Variants in RNF180 observed in about 807,000 individuals in gnomAD.
RNF180 encodes E3 ubiquitin-protein ligase RNF180.
In RNF180, 38 loss-of-function variants were observed where a neutral mutation model predicts 59.2. The ratio of observed to expected loss-of-function variants is 0.64; its 90% confidence interval spans 0.50 to 0.84. The LOEUF is 0.84. RNF180 is among the 40% of genes least tolerant of loss of function. The pLI is 0.00. For missense variants in RNF180, 705 were observed against 700.9 expected, an observed-to-expected ratio of 1.01 and a Z score of -0.07; for synonymous variants, 262 against 240.3, an observed-to-expected ratio of 1.09 and a Z score of -0.84.
At chr5:64,246,180 C>T (rs183111163) in intron 5 of RNF180, among the ~76,000 whole-genome samples, 223 of 152,044 alleles carry the variant, frequency 1.5e-3, no homozygotes, top group Non-Finnish European at 2.8e-3. Flanking sequence ...GATCTAAAAT[C>T]GACACCCTAA....
At chr5:64,232,528 C>G (rs1742157294) in intron 5 of RNF180, among the ~76,000 whole-genome samples, 1 of 152,148 alleles carries the variant, frequency 6.6e-6, no homozygotes, top group Non-Finnish European at 1.5e-5. Context: ...GGCTTGGTAA[C>G]TCTTACATGT....
At chr5:64,177,777 T>C (rs576203704) in intron 1 of RNF180, among the ~76,000 whole-genome samples, 7 of 151,948 alleles carry the variant, frequency 4.6e-5, no homozygotes, top group Non-Finnish European at 7.4e-5. Flanking sequence ...TAAATAGGTG[T>C]CTCTAGGTTA....
chr5:64,358,782 C>A (rs1746126830), intron 7 of RNF180, among the ~76,000 whole-genome samples: 1 of 102,580 alleles, frequency 9.7e-6, no homozygotes, highest in African/African-American at 3.8e-5. Context: ...CCAATGCTAT[C>A]CCTCCCCCCA....
At chr5:64,196,501 A>T (rs1249548291) in intron 1 of RNF180, among the ~76,000 whole-genome samples, 2 of 152,024 alleles carry the variant, frequency 1.3e-5, no homozygotes, top group African/African-American at 4.8e-5. Context: ...AGCTTTTAAG[A>T]TGAGCATGTT....
intron 5 of RNF180, among the ~76,000 whole-genome samples, chr5:64,257,734 A>C (rs1744067665): frequency 6.6e-6 from 1 of 152,136 alleles, no homozygotes; most frequent in Admixed American, 6.6e-5. Flanking sequence ...TGAGTTAGGG[A>C]GGATTCCCTC....
At chr5:64,281,495 T>G (rs530298670) in intron 5 of RNF180, among the ~76,000 whole-genome samples, 1 of 152,204 alleles carries the variant, frequency 6.6e-6, no homozygotes, top group African/African-American at 2.4e-5. Flanking sequence ...AGTTGCCTAG[T>G]TTGTTGAGGA....
chr5:64,364,948 A>G (rs777426775), intron 7 of RNF180, among the ~76,000 whole-genome samples: 8 of 144,806 alleles, frequency 5.5e-5, no homozygotes, highest in Non-Finnish European at 9.1e-5. Context: ...GTTTACTTGG[A>G]TCTTCTCTTT....
intron 5 of RNF180, among the ~76,000 whole-genome samples, chr5:64,266,176 T>C (rs1044450087): frequency 1.3e-5 from 2 of 152,178 alleles, no homozygotes; most frequent in Non-Finnish European, 2.9e-5. Context: ...ACAGAGACAA[T>C]TTGACTTCCT....
chr5:64,200,468 CAAAA>C (rs1216513071), intron 1 of RNF180, among the ~76,000 whole-genome samples: 2 of 151,452 alleles, frequency 1.3e-5, no homozygotes, highest in African/African-American at 4.8e-5. Flanking sequence ...AACAAACAAA[CAAAA>C]AAACTACTGC....
At chr5:64,294,465 A>G (rs994054878) in intron 5 of RNF180, among the ~76,000 whole-genome samples, 5 of 152,222 alleles carry the variant, frequency 3.3e-5, no homozygotes, top group Non-Finnish European at 7.3e-5. Flanking sequence ...ATTTTAATCT[A>G]TTTAAACTTT....
At position 64,372,432 on chromosome 5, in the gene RNF180, A is replaced by C. The variant is rs1360765453; in HGVS notation, c.*2618A>C. On this transcript the variant is annotated 3_prime_UTR_variant, in exon 8 of 8. Coordinates refer to ENST00000389100, the MANE Select transcript of RNF180 (RefSeq NM_001113561.2). ...CTGTATCTGCTGAATTATTAATGCC[A>C]CTATAGTATTATATGCTAAATATGA... is the stretch of plus-strand genomic sequence containing the variant. The C allele has an allele frequency of 6.6e-6, 1 of 151,912 alleles. No individual in the cohort carries two copies. Among genetic ancestry groups the C allele is most frequent in the East Asian group, 1.9e-4 (1 of 5,172 alleles). 9.4% of individuals were successfully genotyped at this position (151,912 alleles called of 1,614,324 possible). A position where few individuals can be genotyped will look rare whatever the true frequency, so the allele number is the denominator to read the frequency against.
chr5:64,354,638 A>C (rs926372060), intron 7 of RNF180, among the ~76,000 whole-genome samples: 2 of 151,924 alleles, frequency 1.3e-5, no homozygotes, highest in Non-Finnish European at 2.9e-5. Context: ...AAGTTATCAC[A>C]AGAAAAGAAT....
intron 5 of RNF180, among the ~76,000 whole-genome samples, chr5:64,311,595 T>C (rs1434459610): frequency 1.3e-5 from 2 of 152,028 alleles, no homozygotes; most frequent in Non-Finnish European, 2.9e-5. Context: ...GTCCTTACTG[T>C]TTTTGAAGAT....
At chr5:64,297,916 A>G (rs1386123852) in intron 5 of RNF180, among the ~76,000 whole-genome samples, 1 of 152,020 alleles carries the variant, frequency 6.6e-6, no homozygotes, top group African/African-American at 2.4e-5. Flanking sequence ...TTAACTTTTA[A>G]GTTCGGGGGT....
chr5:64,324,023 A>C (rs1309169765), intron 5 of RNF180, among the ~76,000 whole-genome samples: 1 of 152,204 alleles, frequency 6.6e-6, no homozygotes, highest in African/African-American at 2.4e-5. Context: ...CCAATCTACT[A>C]TCAGTGACTT....
At chr5:64,283,668 C>G (rs190357522) in intron 5 of RNF180, among the ~76,000 whole-genome samples, 1 of 152,282 alleles carries the variant, frequency 6.6e-6, no homozygotes, top group Admixed American at 6.5e-5. Flanking sequence ...CATGCTTGCA[C>G]TTCTCCTTCC....
intron 3 of RNF180, 39 bp from the exon 4 acceptor site, chr5:64,213,519 A>G (rs776473882): frequency 2.0e-6 from 3 of 1,536,362 alleles, no homozygotes; most frequent in Non-Finnish European, 2.6e-6. Context: ...GTTACTTTAT[A>G]ATGAAAGCAC....
At chr5:64,274,553 T>C (rs1741606392) in intron 5 of RNF180, among the ~76,000 whole-genome samples, 1 of 152,000 alleles carries the variant, frequency 6.6e-6, no homozygotes, top group Non-Finnish European at 1.5e-5. Flanking sequence ...GCCAGTTTTG[T>C]GTTTGATTTT....
At chr5:64,322,378 C>G (rs892414027) in intron 5 of RNF180, among the ~76,000 whole-genome samples, 5 of 151,838 alleles carry the variant, frequency 3.3e-5, no homozygotes, top group African/African-American at 9.7e-5. Context: ...ATGCAGCCAA[C>G]AAACATATGA....
Sources: allele counts gnomAD v4.1 joint callset (sites outside exome capture counted in the v4.1 genomes callset), GRCh38; gene constraint gnomAD v4.1.1; transcripts MANE v1.5; gene names NCBI Gene and HGNC (gene_info 2026-07-23, HGNC 2026-07-21).